LINGO2: variants seen among roughly 807,000 people sequenced by gnomAD.
LINGO2 encodes leucine rich repeat and Ig domain containing 2.
Under a neutral mutation model 30.6 loss-of-function variants are expected in LINGO2, and 14 were observed. The observed-to-expected ratio is 0.46, with a 90% CI of 0.30 to 0.72. The LOEUF is 0.72. Ranked by LOEUF, LINGO2 falls within the 30% of genes least tolerant of loss-of-function variation. LINGO2 has a pLI of 0.07. For synonymous variants in LINGO2, 317 were observed against 288.5 expected (o/e 1.10, Z -1.00); for missense variants, 729 against 751.7 (o/e 0.97, Z 0.35).
chr9:28,521,407 G>A (rs1478887054), intron 1 of LINGO2, among the ~76,000 whole-genome samples: 1 of 152,100 alleles, frequency 6.6e-6, no homozygotes, highest in Non-Finnish European at 1.5e-5. Flanking sequence ...GCCAAACCTA[G>A]AAATAGATTC....
At chr9:29,185,958 T>TA in the LINGO2 span, among the ~76,000 whole-genome samples, 1 of 152,148 alleles carries the variant, frequency 6.6e-6, no homozygotes, top group Non-Finnish European at 1.5e-5. Flanking sequence ...GAAGGCTTTT[T>TA]AAAAAATAAA....
the LINGO2 span, among the ~76,000 whole-genome samples, chr9:29,138,170 C>T: frequency 6.6e-6 from 1 of 151,922 alleles, no homozygotes; most frequent in African/African-American, 2.4e-5. Flanking sequence ...AAAACTCTTC[C>T]AAAACTGGAA....
At chr9:27,950,369 G>A (rs200931215) in exon 6 of LINGO2, 3 of 1,614,162 alleles carry the variant, frequency 1.9e-6, no homozygotes, top group South Asian at 2.2e-5. Context: ...AGAGATTGTT[G>A]AATGCTCCTG....
intron 1 of LINGO2, among the ~76,000 whole-genome samples, chr9:28,550,736 T>G (rs1326222083): frequency 1.3e-5 from 2 of 151,578 alleles, no homozygotes; most frequent in East Asian, 3.9e-4. Context: ...TAAACACCAG[T>G]GAAAAATAGA....
At chr9:28,870,369 A>T in the LINGO2 span, among the ~76,000 whole-genome samples, 1 of 152,032 alleles carries the variant, frequency 6.6e-6, no homozygotes, top group Non-Finnish European at 1.5e-5. Context: ...TGAACATAAA[A>T]TGACTTTATG....
chr9:29,117,773 A>G, the LINGO2 span, among the ~76,000 whole-genome samples: 3 of 152,200 alleles, frequency 2.0e-5, 1 homozygote, highest in Non-Finnish European at 4.4e-5. Context: ...AATGAAGCTA[A>G]GTTAGTACTT....
intron 4 of LINGO2, among the ~76,000 whole-genome samples, chr9:28,024,989 G>T (rs1417159710): frequency 2.0e-5 from 3 of 152,162 alleles, no homozygotes; most frequent in African/African-American, 7.2e-5. Context: ...GCACCCGGGC[G>T]AGATCATTGT....
chr9:28,358,903 A>T (rs1166642289), intron 3 of LINGO2, among the ~76,000 whole-genome samples: 1 of 152,096 alleles, frequency 6.6e-6, no homozygotes, highest in Non-Finnish European at 1.5e-5. Flanking sequence ...TGTCTTGTAA[A>T]GGTTGAATCC....
the LINGO2 span, among the ~76,000 whole-genome samples, chr9:28,883,207 T>C: frequency 1.3e-5 from 2 of 152,298 alleles, no homozygotes; most frequent in East Asian, 3.9e-4. Flanking sequence ...TTCATTCATT[T>C]ATTTAGAGAC....
At chr9:28,948,255 A>T in the LINGO2 span, among the ~76,000 whole-genome samples, 4 of 152,092 alleles carry the variant, frequency 2.6e-5, no homozygotes, top group Non-Finnish European at 4.4e-5. Context: ...AATAATTTGA[A>T]TATATAGCTT....
the LINGO2 span, among the ~76,000 whole-genome samples, chr9:28,906,105 G>A: frequency 1.3e-5 from 2 of 151,902 alleles, no homozygotes; most frequent in East Asian, 1.9e-4. Context: ...CTAAAAACAT[G>A]GAACTCATAG....
intron 5 of LINGO2, among the ~76,000 whole-genome samples, chr9:27,954,693 C>A (rs1819481357): frequency 6.6e-6 from 1 of 152,080 alleles, no homozygotes; most frequent in African/African-American, 2.4e-5. Flanking sequence ...GTGTATTACT[C>A]CATTTTCATG....
At chr9:28,600,535 C>T (rs1201662686) in intron 1 of LINGO2, among the ~76,000 whole-genome samples, 2 of 152,036 alleles carry the variant, frequency 1.3e-5, no homozygotes, top group East Asian at 3.9e-4. Context: ...ATGGATGCCA[C>T]TGAAGCATGA....
chr9:28,296,337 A>C lies in LINGO2; in HGVS notation c.-245-971T>G, dbSNP rs187319212. 5.9e-5 allele frequency among the ~76,000 whole-genome samples: 9 copies of C among 152,246 alleles called. No individual in the cohort carries two copies. The East Asian group carries it at 1.5e-3, about 26-fold the overall frequency. On this transcript the variant is annotated intron_variant, in intron 3 of 5. Transcript: ENST00000379992. ...CTATTAGATTTTTTATAACTATAAC[A>C]ACCATATTTAGTAATACATATACAG...
chr9:28,694,719 C>T, the LINGO2 span, among the ~76,000 whole-genome samples: 2 of 151,944 alleles, frequency 1.3e-5, no homozygotes, highest in Admixed American at 1.3e-4. Context: ...GGCAGTCCAG[C>T]TGTAAAGGCC....
chr9:28,216,091 T>C (rs1820758305), intron 4 of LINGO2, among the ~76,000 whole-genome samples: 1 of 151,898 alleles, frequency 6.6e-6, no homozygotes, highest in Admixed American at 6.6e-5. Context: ...GAAAATGTGA[T>C]AGCAAATCCT....
chr9:28,217,326 T>A (rs1160560149), intron 4 of LINGO2, among the ~76,000 whole-genome samples: 1 of 151,820 alleles, frequency 6.6e-6, no homozygotes, highest in African/African-American at 2.4e-5. Flanking sequence ...ATTAAATAGT[T>A]CCTGTGCCTA....
the LINGO2 span, among the ~76,000 whole-genome samples, chr9:28,803,513 A>T: frequency 6.6e-6 from 1 of 151,700 alleles, no homozygotes. Context: ...ATAAATTTTT[A>T]ATATATATAT....
At chr9:28,446,809 G>C (rs1159707421) in intron 2 of LINGO2, among the ~76,000 whole-genome samples, 1 of 152,104 alleles carries the variant, frequency 6.6e-6, no homozygotes, top group Non-Finnish European at 1.5e-5. Context: ...AAGCAAATAG[G>C]CTTTCTGCCT....
Sources: allele counts gnomAD v4.1 joint callset (sites outside exome capture counted in the v4.1 genomes callset), GRCh38; gene constraint gnomAD v4.1.1; transcripts MANE v1.5; gene names NCBI Gene and HGNC (gene_info 2026-07-23, HGNC 2026-07-21).